The following SPTLC1 variants were observed in gnomAD, a reference collection of about 807,000 sequenced individuals.
SPTLC1 encodes the protein serine palmitoyltransferase 1.
SPTLC1 carries 55 observed loss-of-function variants against 68.9 expected under a neutral mutation model. The ratio of observed to expected loss-of-function variants is 0.80; its 90% CI spans 0.64 to 1.00. The LOEUF (loss-of-function observed/expected upper bound fraction) is 1.00. SPTLC1 is among the 50% of genes least tolerant of loss of function. The probability of loss-of-function intolerance (pLI) is 0.00; values close to 1 mark genes in which losing one functional copy is unlikely to be tolerated. For synonymous variants in SPTLC1, 197 were observed against 201.6 expected (o/e 0.98, Z 0.19); for missense variants, 449 against 573.1 (o/e 0.78, Z 2.21).
At position 92,068,144 on chromosome 9, in the gene SPTLC1, T is replaced by A. The variant is rs2046576956; in HGVS notation, c.428-46A>T. The A allele has an allele frequency of 1.9e-6, 3 of 1,571,778 alleles. No homozygotes were observed. The African/African-American group carries it at 4.1e-5, about 21-fold the overall frequency. ...AAATGGTTAAACTGCCTTATAATTC[T>A]TTTTCTCTACTAAAGAACAAATAAA... On this transcript the variant is annotated intron_variant, in intron 5 of 14. Transcript: ENST00000262554.
chr9:92,102,659 C>T (rs1835798381), intron 3 of SPTLC1, among the ~76,000 whole-genome samples: 1 of 152,072 alleles, frequency 6.6e-6, no homozygotes, highest in African/African-American at 2.4e-5. Context: ...AAAAAAATTA[C>T]ACCAGATATG....
intron 3 of SPTLC1, among the ~76,000 whole-genome samples, chr9:92,104,239 C>G (rs1405042379): frequency 2.0e-5 from 3 of 152,162 alleles, no homozygotes; most frequent in African/African-American, 7.2e-5. Context: ...CTGGTTCCAC[C>G]GCAGGTCCTG....
chr9:92,101,168 A>G (rs546113311), intron 3 of SPTLC1, among the ~76,000 whole-genome samples: 90 of 152,316 alleles, frequency 5.9e-4, no homozygotes, highest in Non-Finnish European at 1.1e-3. Flanking sequence ...AGAAAATTCA[A>G]TGAGATACAA....
chr9:92,098,927 G>A (rs944253152), intron 3 of SPTLC1, among the ~76,000 whole-genome samples: 1 of 152,174 alleles, frequency 6.6e-6, no homozygotes, highest in Non-Finnish European at 1.5e-5. Flanking sequence ...TAACTAACGT[G>A]TGAACATTCT....
chr9:92,076,720 C>T (rs1834692993), intron 5 of SPTLC1: 1 of 152,306 alleles, frequency 6.6e-6, no homozygotes, highest in African/African-American at 2.4e-5. Context: ...CCTTATGCAT[C>T]AAGCACGACA....
chr9:92,105,359 T>C lies in SPTLC1; in HGVS notation c.260+3381A>G, dbSNP rs1282514340. 2.9e-5 allele frequency: 44 copies of C among 1,518,254 alleles called. 1 individual carries two copies. The highest frequency in any genetic ancestry group is 4.6e-4 in the Middle Eastern group (2 of 4,362). The allele number at this position is 1,518,254 out of a possible 1,614,324, so 94.0% of individuals were successfully genotyped here. A position where few individuals can be genotyped will look rare whatever the true frequency, so the allele number is the denominator to read the frequency against. On this transcript the variant is annotated intron_variant, in intron 3 of 14. Transcript: ENST00000262554. ...CAACATGCGTAAGAACATGAGGTTG[T>C]TAAGTAGAACATCAAAATTCAGGAG...
At chr9:92,067,173 C>T (rs1276885928) in intron 6 of SPTLC1, among the ~76,000 whole-genome samples, 3 of 151,880 alleles carry the variant, frequency 2.0e-5, no homozygotes, top group Non-Finnish European at 2.9e-5. Context: ...GTGGCGCATG[C>T]CTGTAATCCC....
chr9:92,069,246 T>G (rs1050984810), intron 5 of SPTLC1, among the ~76,000 whole-genome samples: 2 of 152,212 alleles, frequency 1.3e-5, no homozygotes, highest in African/African-American at 2.4e-5. Context: ...ACAGACTTCC[T>G]AAAGAACGTT....
intron 5 of SPTLC1, among the ~76,000 whole-genome samples, chr9:92,075,466 A>C (rs1252705189): frequency 6.6e-6 from 1 of 152,092 alleles, no homozygotes; most frequent in Admixed American, 6.5e-5. Context: ...CCCCTACTCA[A>C]GCGCTTCCCG....
At chr9:92,080,785 C>G (rs962666390) in intron 4 of SPTLC1, 85 bp downstream of exon 4, 1 of 1,104,768 alleles carries the variant, frequency 9.1e-7, no homozygotes, top group Non-Finnish European at 1.4e-6. Flanking sequence ...AGTGATCCAC[C>G]ACGCCCAGCC....
At chr9:92,104,468 G>C in intron 3 of SPTLC1, 1 of 1,401,184 alleles carries the variant, frequency 7.1e-7, no homozygotes, top group Non-Finnish European at 9.6e-7. Context: ...ACCCCACAGA[G>C]GGTCCTGCCT....
intron 9 of SPTLC1, 130 bp downstream of exon 9, chr9:92,049,830 A>G: frequency 1.3e-6 from 1 of 742,920 alleles, no homozygotes; most frequent in Admixed American, 2.0e-5. Flanking sequence ...GAGGTGACAG[A>G]CACCAAAGTT....
chr9:92,033,708 A>G (rs1269673796), intron 14 of SPTLC1, among the ~76,000 whole-genome samples: 1 of 152,114 alleles, frequency 6.6e-6, no homozygotes, highest in Non-Finnish European at 1.5e-5. Context: ...GGCGTGCACC[A>G]CTATGCCTGG....
rs745996829 is a variant in SPTLC1 at position 92,050,080 on chromosome 9, T to C, written c.781-13A>G. 8.6e-6 allele frequency: 13 copies of C among 1,515,024 alleles called. No individual in the cohort carries two copies. In the Middle Eastern group the frequency reaches 8.5e-4, roughly 99 times the overall value. The allele number at this position is 1,515,024 out of a possible 1,614,324, so 93.8% of individuals were successfully genotyped here. On this transcript the variant is annotated splice_polypyrimidine_tract_variant and intron_variant, in intron 8 of 14. Coordinates refer to ENST00000262554, the MANE Select transcript of SPTLC1 (RefSeq NM_006415.4). ...ATTTTAACTTAACCTAAGTGTTATA[T>C]AAACGTTAAAATACTAATGATTAGC...
intron 12 of SPTLC1, among the ~76,000 whole-genome samples, chr9:92,039,099 A>G (rs1833252837): frequency 6.6e-6 from 1 of 152,182 alleles, no homozygotes. Flanking sequence ...GTGAGCTGAG[A>G]TTGTGCCACT....
chr9:92,047,072 C>G, intron 11 of SPTLC1, 100 bp downstream of exon 11: 6 of 1,029,098 alleles, frequency 5.8e-6, no homozygotes, highest in Non-Finnish European at 7.7e-6. Context: ...AACTGCAAAC[C>G]AGTTTTGTCT....
chr9:92,092,475 T>C (rs2118749247), intron 3 of SPTLC1, among the ~76,000 whole-genome samples: 1 of 152,298 alleles, frequency 6.6e-6, no homozygotes, highest in Admixed American at 6.5e-5. Flanking sequence ...ATGCCTGTAA[T>C]ACCAGCACTT....
At chr9:92,104,533 C>G (rs1368668174) in intron 3 of SPTLC1, 1 of 1,430,212 alleles carries the variant, frequency 7.0e-7, no homozygotes, top group African/African-American at 1.4e-5. Flanking sequence ...CTGCTCGCAA[C>G]TCCAGGATGT....
At chr9:92,096,002 G>T (rs1343746907) in intron 3 of SPTLC1, among the ~76,000 whole-genome samples, 1 of 152,176 alleles carries the variant, frequency 6.6e-6, no homozygotes. Context: ...GTATAAACTG[G>T]AAGTCCTAAG....
Sources: gnomAD v4.1 joint callset for allele counts (sites outside exome capture counted in the v4.1 genomes callset) on GRCh38, gnomAD v4.1.1 for gene constraint, MANE v1.5 for transcripts, NCBI Gene and HGNC (gene_info 2026-07-23, HGNC 2026-07-21) for gene names.